Variants in TMEM131L observed in about 807,000 individuals in gnomAD.
TMEM131L encodes the protein transmembrane protein 131-like.
Under a neutral mutation model 192.2 loss-of-function variants are expected in TMEM131L, and 54 were observed. The ratio of observed to expected loss-of-function variants is 0.28; its 90% confidence interval spans 0.23 to 0.35. The LOEUF (loss-of-function observed/expected upper bound fraction) is 0.35. TMEM131L is among the 10% of genes least tolerant of loss of function. The pLI is 1.00. For synonymous variants in TMEM131L, 701 were observed against 704.9 expected (o/e 0.99, Z 0.09); for missense variants, 1,888 against 1,972.9 (o/e 0.96, Z 0.82).
At chr4:153,606,324 T>C (rs752966986) in intron 25 of TMEM131L, among the ~76,000 whole-genome samples, 1 of 152,204 alleles carries the variant, frequency 6.6e-6, no homozygotes, top group Non-Finnish European at 1.5e-5. Context: ...GAATCCTCCC[T>C]CCAGAAGTGC....
At position 153,588,960 on chromosome 4, in the gene TMEM131L, T is replaced by C. The variant is rs1171712067; in HGVS notation, c.1623T>C (p.Asn541=). The C allele has an allele frequency of 1.2e-6, 2 of 1,606,418 alleles. No homozygotes were observed. The highest frequency in any genetic ancestry group is 1.3e-5 in the African/African-American group (1 of 74,804). Residue 541 remains asparagine (N), a synonymous_variant, in exon 16 of 35, where the codon AAT becomes AAC. Coordinates refer to ENST00000409959, the MANE Select transcript of TMEM131L (RefSeq NM_001131007.2). Reference sequence around the variant, plus strand: ...GGAATGTGGATTCTGAACTTGCAAATAAATTGTATGAAAGATGGAAGAAAT... The same window carrying C: ...GGAATGTGGATTCTGAACTTGCAAACAAATTGTATGAAAGATGGAAGAAAT... The part of the protein sequence containing the change: ...STWNVDSELA[N]KLYERWKKYK...
At chr4:153,618,773 G>C (rs1733177387) in intron 26 of TMEM131L, among the ~76,000 whole-genome samples, 1 of 151,866 alleles carries the variant, frequency 6.6e-6, no homozygotes, top group East Asian at 1.9e-4. Context: ...CTCTCTCTGG[G>C]ATCCTCTGCA....
intron 3 of TMEM131L, among the ~76,000 whole-genome samples, chr4:153,489,431 C>T (rs1732607294): frequency 6.6e-6 from 1 of 152,152 alleles, no homozygotes; most frequent in Admixed American, 6.5e-5. Flanking sequence ...TCTGTAGGAG[C>T]ACGTCCAAGG....
intron 34 of TMEM131L, 126 bp downstream of exon 34, chr4:153,635,697 T>C: frequency 2.7e-6 from 3 of 1,098,064 alleles, no homozygotes; most frequent in South Asian, 1.6e-5. Context: ...GGCTTGCTTC[T>C]TTTAGATCAC....
Position 153,558,390 on chromosome 4 carries a change from T to C in TMEM131L, c.660+22T>C, listed in dbSNP as rs747381226. On this transcript the variant is annotated intron_variant, in intron 7 of 34. Transcript: ENST00000409959. ...GCAGGTCATTTTAATAGATTTACTT[T>C]GAATGCTGGTGGCCACCAAACTTTG... is the stretch of plus-strand genomic sequence containing the variant. 3 of 1,417,960 alleles carry C rather than the reference T, an allele frequency of 2.1e-6. No individual in the cohort carries two copies. In the South Asian group the frequency reaches 3.6e-5, roughly 17 times the overall value. The allele number at this position is 1,417,960 out of a possible 1,614,324, so 87.8% of individuals were successfully genotyped here.
At chr4:153,594,747 T>C (rs1731308590) in intron 19 of TMEM131L, among the ~76,000 whole-genome samples, 1 of 152,224 alleles carries the variant, frequency 6.6e-6, no homozygotes, top group Non-Finnish European at 1.5e-5. Flanking sequence ...CTTTCTTTTC[T>C]TAAGTGTTGA....
intron 8 of TMEM131L, among the ~76,000 whole-genome samples, 195 bp from the exon 9 acceptor site, chr4:153,581,212 C>T (rs1036525867): frequency 1.3e-5 from 2 of 152,214 alleles, no homozygotes; most frequent in African/African-American, 4.8e-5. Flanking sequence ...CGAGATCGCA[C>T]CACTGCACTC....
intron 3 of TMEM131L, among the ~76,000 whole-genome samples, chr4:153,474,896 T>A (rs1412168575): frequency 6.6e-6 from 1 of 152,124 alleles, no homozygotes; most frequent in Non-Finnish European, 1.5e-5. Context: ...GGGGCAGTCT[T>A]GGTCACTTGT....
chr4:153,599,281 G>T (rs979444706), intron 21 of TMEM131L, among the ~76,000 whole-genome samples: 7 of 152,184 alleles, frequency 4.6e-5, no homozygotes, highest in Non-Finnish European at 8.8e-5. Flanking sequence ...AGCATTGCGG[G>T]AGTCGGGGGA....
At chr4:153,511,330 G>A (rs57350196) in intron 3 of TMEM131L, among the ~76,000 whole-genome samples, 19,720 of 152,110 alleles carry the variant, frequency 0.13, 2,352 homozygotes, top group African/African-American at 0.29. Context: ...TGTCCTTTGC[G>A]GGAACGTGAA....
At chr4:153,542,398 A>ATGT (rs1462482990) in intron 3 of TMEM131L, among the ~76,000 whole-genome samples, 3 of 121,532 alleles carry the variant, frequency 2.5e-5, no homozygotes, top group Admixed American at 1.7e-4. Flanking sequence ...AGCAAGGGCC[A>ATGT]CGTTGCAGAG....
chr4:153,588,033 C>A (rs1730816052), intron 15 of TMEM131L, among the ~76,000 whole-genome samples: 1 of 142,936 alleles, frequency 7.0e-6, no homozygotes, highest in African/African-American at 2.8e-5. Flanking sequence ...GCTTGTACTT[C>A]CGCAAGGGTT....
At chr4:153,620,592 G>A (rs761890100) in intron 26 of TMEM131L, among the ~76,000 whole-genome samples, 164 bp from the exon 27 acceptor site, 71 of 152,156 alleles carry the variant, frequency 4.7e-4, no homozygotes, top group Non-Finnish European at 4.0e-4. Flanking sequence ...GGGAAGTAGC[G>A]CAAGAGGGGA....
intron 9 of TMEM131L, among the ~76,000 whole-genome samples, chr4:153,582,421 T>G (rs1044118377): frequency 2.1e-4 from 27 of 128,654 alleles, no homozygotes; most frequent in African/African-American, 7.9e-4. Flanking sequence ...ATTTAAACCG[T>G]TTTTTTTTGT....
At chr4:153,590,124 C>T (rs1449687041) in intron 16 of TMEM131L, among the ~76,000 whole-genome samples, 1 of 152,134 alleles carries the variant, frequency 6.6e-6, no homozygotes, top group Non-Finnish European at 1.5e-5. Context: ...TTCTTTTAAC[C>T]CAGAATCCAT....
intron 3 of TMEM131L, among the ~76,000 whole-genome samples, chr4:153,497,827 T>A (rs1372573035): frequency 6.7e-6 from 1 of 148,176 alleles, no homozygotes; most frequent in African/African-American, 2.5e-5. Context: ...TTGTGTAACA[T>A]GTATCTCACA....
chr4:153,503,975 T>C (rs374325648), intron 3 of TMEM131L, among the ~76,000 whole-genome samples: 17 of 152,338 alleles, frequency 1.1e-4, no homozygotes, highest in African/African-American at 3.4e-4. Flanking sequence ...TGTGGTTTTT[T>C]TGTTTTTTGG....
At chr4:153,563,358 G>A (rs577535850) in intron 7 of TMEM131L, among the ~76,000 whole-genome samples, 3 of 151,386 alleles carry the variant, frequency 2.0e-5, no homozygotes, top group African/African-American at 7.3e-5. Flanking sequence ...AATTTGGGTT[G>A]CCAGAATAAT....
chr4:153,485,121 T>TAAAAAA (rs768830957), intron 3 of TMEM131L, among the ~76,000 whole-genome samples: 1 of 106,886 alleles, frequency 9.4e-6, no homozygotes, highest in South Asian at 3.1e-4. Context: ...TCTGTCTCAT[T>TAAAAAA]AAAAAAAAAA....
Sources: gnomAD v4.1 joint callset for allele counts (sites outside exome capture counted in the v4.1 genomes callset) on GRCh38, gnomAD v4.1.1 for gene constraint, MANE v1.5 for transcripts, NCBI Gene and HGNC (gene_info 2026-07-23, HGNC 2026-07-21) for gene names.